ITGBL1: variants seen among roughly 807,000 people sequenced by gnomAD.
ITGBL1 encodes the protein integrin subunit beta like 1, also known as integrin beta-like protein 1.
A neutral mutation model predicts 68.5 loss-of-function variants in ITGBL1; 51 were observed. The observed-to-expected ratio is 0.74, with a 90% confidence interval of 0.59 to 0.94. The LOEUF is 0.94. Ranked by LOEUF, ITGBL1 falls within the 40% of genes least tolerant of loss-of-function variation. The probability of loss-of-function intolerance (pLI) is 0.00; values close to 1 mark genes in which losing one functional copy is unlikely to be tolerated. For missense variants in ITGBL1, 649 were observed against 647.4 expected (o/e 1.00, Z -0.03); for synonymous variants, 209 against 227.3 (o/e 0.92, Z 0.72).
intron 2 of ITGBL1, among the ~76,000 whole-genome samples, chr13:101,555,702 T>C (rs1326645096): frequency 6.6e-6 from 1 of 151,130 alleles, no homozygotes; most frequent in Admixed American, 6.6e-5. Context: ...GTGTGTATGT[T>C]TTATATAGAT....
At chr13:101,569,025 AACACACACACACACACACAC>A (rs112814235) in intron 3 of ITGBL1, among the ~76,000 whole-genome samples, 11 of 103,656 alleles carry the variant, frequency 1.1e-4, no homozygotes, top group South Asian at 4.7e-4. Context: ...CACCCCTCCA[AACACACACACACACACACAC>A]ACACACACAC....
At chr13:101,542,209 C>T (rs1182035288) in intron 2 of ITGBL1, among the ~76,000 whole-genome samples, 1 of 152,196 alleles carries the variant, frequency 6.6e-6, no homozygotes, top group Admixed American at 6.5e-5. Flanking sequence ...ATAAATTTCC[C>T]TGTACACACT....
At chr13:101,676,178 T>TCTCTTGAC (rs1341673374) in intron 7 of ITGBL1, among the ~76,000 whole-genome samples, 1 of 152,164 alleles carries the variant, frequency 6.6e-6, no homozygotes. Context: ...ATCTGTCCTG[T>TCTCTTGAC]CTCTTGACAT....
chr13:101,590,101 A>G (rs761997543), intron 6 of ITGBL1, among the ~76,000 whole-genome samples: 1 of 152,230 alleles, frequency 6.6e-6, no homozygotes, highest in African/African-American at 2.4e-5. Context: ...CTGCAGGTCT[A>G]GAGCATCTGA....
chr13:101,659,193 T>A (rs939820757), intron 7 of ITGBL1, among the ~76,000 whole-genome samples: 14 of 151,840 alleles, frequency 9.2e-5, no homozygotes, highest in Non-Finnish European at 2.1e-4. Context: ...CAGAGTCTAC[T>A]TAAAACACAT....
chr13:101,558,046 G>A (rs568976392), intron 2 of ITGBL1, among the ~76,000 whole-genome samples: 15 of 125,776 alleles, frequency 1.2e-4, no homozygotes, highest in African/African-American at 3.8e-4. Context: ...CCGAGATCGC[G>A]CCACTCCAGC....
intron 2 of ITGBL1, among the ~76,000 whole-genome samples, chr13:101,470,666 A>G (rs1594829002): frequency 6.6e-6 from 1 of 152,114 alleles, no homozygotes; most frequent in South Asian, 2.1e-4. Flanking sequence ...AAGAACAACT[A>G]ATGAATGAGG....
chr13:101,492,340 G>T (rs1039762715), intron 2 of ITGBL1, among the ~76,000 whole-genome samples: 1 of 152,232 alleles, frequency 6.6e-6, no homozygotes, highest in East Asian at 1.9e-4. Flanking sequence ...CTGCTCAGCA[G>T]TTATTCATTT....
At chr13:101,680,875 TA>T (rs768170642) in intron 7 of ITGBL1, among the ~76,000 whole-genome samples, 5 of 152,194 alleles carry the variant, frequency 3.3e-5, no homozygotes, top group Non-Finnish European at 7.3e-5. Flanking sequence ...CCCACATTTT[TA>T]ATTGTACCTG....
intron 2 of ITGBL1, among the ~76,000 whole-genome samples, chr13:101,541,302 T>A (rs2049695750): frequency 6.6e-6 from 1 of 152,094 alleles, no homozygotes; most frequent in African/African-American, 2.4e-5. Context: ...TCTGCATCTA[T>A]TGAGATAATA....
intron 2 of ITGBL1, among the ~76,000 whole-genome samples, chr13:101,498,799 A>T (rs1354891557): frequency 6.6e-6 from 1 of 152,190 alleles, no homozygotes; most frequent in African/African-American, 2.4e-5. Context: ...GGCTGCTGAT[A>T]AAGACGTACC....
Position 101,671,437 on chromosome 13 carries a change from G to GTTTTTTTTTTTTTT in ITGBL1, c.1016-21139_1016-21138insTTTTTTTTTTTTTT, listed in dbSNP as rs1491455482. ...AAAAGTATACCTTTGTTTTTTTTTTGTTTTTTTTTGTTTTTTTTTGAGACG... is the reference window on the plus strand; with the variant it reads ...AAAAGTATACCTTTGTTTTTTTTTTGTTTTTTTTTTTTTTTTTTTTTTTGTTTTTTTTTGAGACG... On this transcript the variant is annotated intron_variant, in intron 7 of 10. Transcript: ENST00000376180. Among the ~76,000 whole-genome samples, 92 of 102,836 alleles carry GTTTTTTTTTTTTTT rather than the reference G, an allele frequency of 8.9e-4. 1 individual carries two copies. The highest frequency in any genetic ancestry group is 1.4e-3 in the Non-Finnish European group (76 of 53,102). 67.5% of individuals were successfully genotyped at this position (102,836 alleles called of 152,430 possible).
At chr13:101,661,338 T>A (rs2033084207) in intron 7 of ITGBL1, among the ~76,000 whole-genome samples, 2 of 152,208 alleles carry the variant, frequency 1.3e-5, no homozygotes, top group Admixed American at 1.3e-4. Context: ...TTGTCCATTT[T>A]TGAGATGAAT....
chr13:101,669,063 T>C (rs894873411), intron 7 of ITGBL1, among the ~76,000 whole-genome samples: 7 of 152,152 alleles, frequency 4.6e-5, no homozygotes, highest in African/African-American at 1.7e-4. Flanking sequence ...TTAATTAATA[T>C]ATGTAATTCT....
intron 2 of ITGBL1, among the ~76,000 whole-genome samples, chr13:101,519,111 C>T (rs1177327812): frequency 6.6e-6 from 1 of 152,016 alleles, no homozygotes; most frequent in Non-Finnish European, 1.5e-5. Flanking sequence ...TACGTATGTT[C>T]AAATCCGTAA....
At chr13:101,628,437 C>A (rs1295366472) in intron 7 of ITGBL1, among the ~76,000 whole-genome samples, 1 of 139,630 alleles carries the variant, frequency 7.2e-6, no homozygotes, top group East Asian at 2.0e-4. Context: ...TTTTCTTTTT[C>A]TTTTTTTTTT....
At chr13:101,554,672 T>C (rs1481213003) in intron 2 of ITGBL1, among the ~76,000 whole-genome samples, 1 of 152,124 alleles carries the variant, frequency 6.6e-6, no homozygotes, top group Admixed American at 6.5e-5. Flanking sequence ...TCAGAGAAAA[T>C]TTGCAACTCT....
chr13:101,662,069 G>A (rs1010349490), intron 7 of ITGBL1, among the ~76,000 whole-genome samples: 3 of 152,140 alleles, frequency 2.0e-5, no homozygotes, highest in African/African-American at 4.8e-5. Context: ...AACTGCTTAG[G>A]CATTCTTTGT....
intron 5 of ITGBL1, among the ~76,000 whole-genome samples, chr13:101,580,677 G>A (rs1193003219): frequency 6.6e-6 from 1 of 152,128 alleles, no homozygotes; most frequent in African/African-American, 2.4e-5. Flanking sequence ...TATGCAGTAG[G>A]GGTCACAGTC....
Sources: gnomAD v4.1 joint callset for allele counts (sites outside exome capture counted in the v4.1 genomes callset) on GRCh38, gnomAD v4.1.1 for gene constraint, MANE v1.5 for transcripts, NCBI Gene and HGNC (gene_info 2026-07-23, HGNC 2026-07-21) for gene names.